SPHKAP: variants seen among roughly 807,000 people sequenced by gnomAD.
The protein encoded by SPHKAP is SPHK1 interactor, AKAP domain containing, also known as A-kinase anchor protein SPHKAP.
In SPHKAP, 67 loss-of-function variants were observed where a neutral mutation model predicts 137.5. That is an observed-to-expected ratio of 0.49 (90% CI 0.40 to 0.60). The LOEUF (loss-of-function observed/expected upper bound fraction) is 0.60, where lower values mean the gene tolerates loss of function less well. Among genes scored for constraint, SPHKAP ranks in the 20% least tolerant of loss-of-function variants. SPHKAP has a pLI of 0.00. For missense variants in SPHKAP, 2,097 were observed against 2,069.3 expected (o/e 1.01, Z -0.26); for synonymous variants, 813 against 785.3 (o/e 1.04, Z -0.59).
chr2:228,097,713 T>A (rs532605976), intron 3 of SPHKAP, among the ~76,000 whole-genome samples: 2 of 151,406 alleles, frequency 1.3e-5, no homozygotes, highest in African/African-American at 2.4e-5. Flanking sequence ...TTTATGTCCA[T>A]GTGTACCCAA....
At chr2:228,104,561 T>A (rs978168417) in intron 3 of SPHKAP, among the ~76,000 whole-genome samples, 6 of 152,014 alleles carry the variant, frequency 3.9e-5, no homozygotes, top group Non-Finnish European at 8.8e-5. Flanking sequence ...CATTTGTCAT[T>A]GTTTCCACTG....
intron 1 of SPHKAP, 53 bp from the exon 2 acceptor site, chr2:228,132,138 T>C: frequency 1.4e-6 from 2 of 1,412,112 alleles, no homozygotes; most frequent in East Asian, 2.3e-5. Flanking sequence ...TATCTATATT[T>C]GGAAATAAAT....
In SPHKAP at chr2:228,062,605, GA is replaced by G. The variant is rs57078919; in HGVS notation, c.247-35063del. ...CCATACCATGTCTCTATTAAAAATG[GA>G]AAAAAAAAATAAAATGCCAAAGCTG... On this transcript the variant is annotated intron_variant, in intron 3 of 11. Transcript: ENST00000392056. 4.0e-3 allele frequency among the ~76,000 whole-genome samples: 587 copies of G among 146,578 alleles called. 7 individuals carry two copies. The highest frequency in any genetic ancestry group is 0.03 in the South Asian group (140 of 4,598).
At chr2:228,059,132 G>A (rs569685316) in intron 3 of SPHKAP, among the ~76,000 whole-genome samples, 6 of 152,258 alleles carry the variant, frequency 3.9e-5, no homozygotes, top group South Asian at 2.1e-4. Flanking sequence ...ATTATTCCCC[G>A]TTAGTGCTGT....
At chr2:228,158,139 C>T (rs146289309) in intron 1 of SPHKAP, among the ~76,000 whole-genome samples, 339 of 152,180 alleles carry the variant, frequency 2.2e-3, no homozygotes, top group African/African-American at 7.5e-3. Context: ...GAGAATTGAG[C>T]CATTATTCAG....
chr2:228,164,948 T>G (rs1322116961), intron 1 of SPHKAP, among the ~76,000 whole-genome samples: 3 of 152,212 alleles, frequency 2.0e-5, no homozygotes, highest in Non-Finnish European at 4.4e-5. Context: ...TGTCATTGTC[T>G]TTCTCTCCAT....
At chr2:228,038,920 A>T (rs1695735703) in intron 3 of SPHKAP, among the ~76,000 whole-genome samples, 1 of 152,248 alleles carries the variant, frequency 6.6e-6, no homozygotes, top group Non-Finnish European at 1.5e-5. Flanking sequence ...CAGAAGCTAC[A>T]GGAGAATTAA....
chr2:227,987,611 C>T lies in SPHKAP; in HGVS notation c.4959+3389G>A, dbSNP rs148500412. On this transcript the variant is annotated intron_variant, in intron 11 of 11. Transcript: ENST00000392056. ...TTTGAAAATGAAGTACCATTTGTCA[C>T]GAGAGGAGTATATTGGGCACTCAGA... 1.9e-3 allele frequency among the ~76,000 whole-genome samples: 286 copies of T among 152,196 alleles called. 1 individual carries two copies. The highest frequency in any genetic ancestry group is 5.8e-3 in the African/African-American group (241 of 41,524).
rs953768350 is a variant in SPHKAP at position 227,980,141 on chromosome 2, C to G, written c.*1576G>C. On this transcript the variant is annotated 3_prime_UTR_variant, in exon 12 of 12. Coordinates refer to ENST00000392056, the MANE Select transcript of SPHKAP (RefSeq NM_001142644.2). ...AAGTGTATTCTATTCCATTTGATAG[C>G]ACAAAGAAGCACATTTCAGCGTGAA... 5.2e-5 allele frequency: 8 copies of G among 152,610 alleles called. No homozygotes were observed. Among genetic ancestry groups the G allele is most frequent in the African/African-American group, 1.9e-4 (8 of 41,448 alleles). 9.5% of individuals were successfully genotyped at this position (152,610 alleles called of 1,614,324 possible).
At chr2:228,147,583 G>T (rs1348345188) in intron 1 of SPHKAP, among the ~76,000 whole-genome samples, 1 of 152,106 alleles carries the variant, frequency 6.6e-6, no homozygotes, top group African/African-American at 2.4e-5. Flanking sequence ...CTGGAACTTG[G>T]GTCCCGACTG....
At chr2:228,090,541 A>G (rs1435916513) in intron 3 of SPHKAP, among the ~76,000 whole-genome samples, 1 of 151,988 alleles carries the variant, frequency 6.6e-6, no homozygotes, top group South Asian at 2.1e-4. Context: ...AGGATATGAG[A>G]TTTTGGGGGC....
intron 3 of SPHKAP, among the ~76,000 whole-genome samples, chr2:228,030,536 CA>C (rs1263087267): frequency 7.2e-5 from 3 of 41,876 alleles, no homozygotes; most frequent in South Asian, 1.7e-3. Flanking sequence ...AAAAAAACAA[CA>C]AAAAACAAAA....
intron 3 of SPHKAP, among the ~76,000 whole-genome samples, chr2:228,034,248 A>G (rs1205563805): frequency 6.6e-6 from 1 of 152,174 alleles, no homozygotes; most frequent in Non-Finnish European, 1.5e-5. Context: ...AATACTACAA[A>G]CACCTCTACG....
intron 1 of SPHKAP, among the ~76,000 whole-genome samples, chr2:228,176,831 C>T (rs551351777): frequency 2.0e-5 from 3 of 152,280 alleles, no homozygotes; most frequent in Admixed American, 6.5e-5. Context: ...GCAGAGATCG[C>T]GCCATTGCAC....
At chr2:227,983,755 C>T (rs1473715564) in intron 11 of SPHKAP, among the ~76,000 whole-genome samples, 5 of 152,114 alleles carry the variant, frequency 3.3e-5, no homozygotes, top group Admixed American at 2.6e-4. Context: ...GGCTGTTGCT[C>T]GATAATTTTC....
rs761737485 is a variant in SPHKAP at position 228,181,558 on chromosome 2, G to A, written c.32+9C>T. On this transcript the variant is annotated intron_variant, in intron 1 of 11. Transcript: ENST00000392056. The surrounding 1 kb of genome is among the most constrained non-coding windows in gnomAD (Gnocchi z 4.3). ...CATGGTATTGGGCATAGAAAGAAGC[G>A]GGTCTTACCTTGGTACCGAGAGCAG... 5 of 1,614,094 alleles carry A rather than the reference G, an allele frequency of 3.1e-6. No homozygotes were observed. The highest frequency in any genetic ancestry group is 8.5e-7 in the Non-Finnish European group (1 of 1,180,038).
In SPHKAP at chr2:228,069,685, C is replaced by T. The variant is rs1696947570; in HGVS notation, c.246+39147G>A. Among the ~76,000 whole-genome samples, 4 of 151,828 alleles carry T rather than the reference C, an allele frequency of 2.6e-5. No individual in the cohort carries two copies. The South Asian group carries it at 8.3e-4, about 32-fold the overall frequency. ...AACAACTGAAATGAACTCTGGCTAACACTAACAGCAAATAAATTTAATGCA... is the reference window on the plus strand; with the variant it reads ...AACAACTGAAATGAACTCTGGCTAATACTAACAGCAAATAAATTTAATGCA... On this transcript the variant is annotated intron_variant, in intron 3 of 11. Coordinates refer to ENST00000392056, the MANE Select transcript of SPHKAP (RefSeq NM_001142644.2).
intron 1 of SPHKAP, among the ~76,000 whole-genome samples, chr2:228,163,877 C>T (rs558481905): frequency 5.9e-5 from 9 of 152,242 alleles, no homozygotes; most frequent in South Asian, 4.2e-4. Context: ...CCCAGGAATG[C>T]CCCTGTGATG....
chr2:228,004,677 T>C (rs984330648), intron 7 of SPHKAP, among the ~76,000 whole-genome samples: 19 of 152,334 alleles, frequency 1.2e-4, no homozygotes, highest in African/African-American at 4.6e-4. Context: ...CTTTCGTGCT[T>C]TCTCTTGTGG....
Sources: gnomAD v4.1 joint callset for allele counts (sites outside exome capture counted in the v4.1 genomes callset) on GRCh38, gnomAD v4.1.1 for gene constraint, Gnocchi (gnomAD v3.1) non-coding constraint, MANE v1.5 for transcripts, NCBI Gene and HGNC (gene_info 2026-07-23, HGNC 2026-07-21) for gene names.